The following RSBN1L variants were observed in gnomAD, a reference collection of about 807,000 sequenced individuals.
RSBN1L encodes lysine-specific demethylase RSBN1L.
In RSBN1L, 30 loss-of-function variants were observed where a neutral mutation model predicts 67.7. The observed-to-expected ratio is 0.44, with a 90% CI of 0.33 to 0.60. The LOEUF is 0.60. RSBN1L is among the 20% of genes least tolerant of loss of function. RSBN1L has a pLI of 0.02. For missense variants in RSBN1L, 992 were observed against 1,031.7 expected (o/e 0.96, Z 0.53); for synonymous variants, 433 against 387.0 (o/e 1.12, Z -1.39).
At chr7:77,725,730 A>T (rs1791194470) in intron 1 of RSBN1L, among the ~76,000 whole-genome samples, 1 of 151,866 alleles carries the variant, frequency 6.6e-6, no homozygotes, top group South Asian at 2.1e-4. Flanking sequence ...TAGCTGGATT[A>T]CAGGCATGCG....
intron 1 of RSBN1L, 71 bp downstream of exon 1, chr7:77,697,126 C>G: frequency 7.7e-7 from 1 of 1,297,780 alleles, no homozygotes; most frequent in Non-Finnish European, 9.7e-7. Context: ...CCCACGGGGC[C>G]CGGGAAGGGG....
At chr7:77,767,036 C>T (rs1034979900) in intron 4 of RSBN1L, among the ~76,000 whole-genome samples, 1 of 135,080 alleles carries the variant, frequency 7.4e-6, no homozygotes, top group Non-Finnish European at 1.6e-5. Context: ...CCTTCCCTTT[C>T]CCCTTCCCTT....
intron 1 of RSBN1L, among the ~76,000 whole-genome samples, chr7:77,709,196 G>A (rs149031555): frequency 0.13 from 9,094 of 69,064 alleles, 280 homozygotes; most frequent in African/African-American, 0.2. Flanking sequence ...GTGTGTGTGT[G>A]TATGTATGTG....
intron 1 of RSBN1L, among the ~76,000 whole-genome samples, chr7:77,709,431 A>G (rs1790943797): frequency 6.6e-6 from 1 of 151,954 alleles, no homozygotes; most frequent in Non-Finnish European, 1.5e-5. Flanking sequence ...CTGGAATTAC[A>G]GGCACCCACC....
chr7:77,762,915 T>A (rs1421544359), intron 3 of RSBN1L, among the ~76,000 whole-genome samples: 2 of 152,284 alleles, frequency 1.3e-5, no homozygotes, highest in East Asian at 3.9e-4. Flanking sequence ...AAGAATTCAC[T>A]TAATGAAAAT....
chr7:77,697,174 G>T, intron 1 of RSBN1L, 119 bp downstream of exon 1: 1 of 1,118,978 alleles, frequency 8.9e-7, no homozygotes, highest in South Asian at 3.4e-5. Flanking sequence ...GGAGGGGCTG[G>T]GAGGCGTCCG....
intron 1 of RSBN1L, among the ~76,000 whole-genome samples, chr7:77,700,757 G>T (rs773551652): frequency 1.3e-5 from 2 of 152,066 alleles, no homozygotes; most frequent in African/African-American, 2.4e-5. Context: ...TTCTCTGGCA[G>T]AGTCTTTCTG....
intron 1 of RSBN1L, among the ~76,000 whole-genome samples, chr7:77,725,113 G>A (rs1031921862): frequency 6.6e-6 from 1 of 150,700 alleles, no homozygotes; most frequent in Admixed American, 6.6e-5. Flanking sequence ...CAAAATGCTG[G>A]GATTACAGGC....
rs191401024 is a variant in RSBN1L, at chr7:77,714,957, T to C, written c.586+17902T>C. Among the ~76,000 whole-genome samples the C allele has an allele frequency of 4.2e-4, 27 of 64,406 alleles. No homozygotes were observed. In the East Asian group the frequency reaches 9.3e-3, roughly 22 times the overall value. 42.3% of individuals were successfully genotyped at this position (64,406 alleles called of 152,430 possible). On this transcript the variant is annotated intron_variant, in intron 1 of 7. Coordinates refer to ENST00000334955, the MANE Select transcript of RSBN1L (RefSeq NM_198467.3). ...CAGCCTGGGTGACAGAGACTCCATCTCAAAAAAAAAAAAAAAAAAAAATCT... is the reference window on the plus strand; with the variant it reads ...CAGCCTGGGTGACAGAGACTCCATCCCAAAAAAAAAAAAAAAAAAAAATCT...
chr7:77,778,571 G>T lies in RSBN1L; in HGVS notation c.1944G>T (p.Arg648Ser). 5 of 1,613,796 alleles carry T rather than the reference G, an allele frequency of 3.1e-6. No individual in the cohort carries two copies. The highest frequency in any genetic ancestry group is 4.2e-6 in the Non-Finnish European group (5 of 1,179,816). The change falls in exon 8 of 8, where the codon AGG becomes AGT. Residue 648 changes from arginine to serine, a missense_variant. By Grantham distance (110) the Arg-to-Ser change is moderately radical. Transcript: ENST00000334955. ...ATGATGCAAAACTGAATCAACTGAG[G>T]AGGGAAGGCATTCGCTATGCCAGGA... ...WVDDAKLNQL[R>S]REGIRYARIQ...
intron 6 of RSBN1L, 120 bp downstream of exon 6, chr7:77,773,434 G>T (rs1050211941): frequency 6.4e-6 from 4 of 629,528 alleles, no homozygotes; most frequent in Admixed American, 7.0e-5. Flanking sequence ...CCCGTATTTG[G>T]ATATCTTAAT....
chr7:77,746,489 A>G (rs1791485969), intron 2 of RSBN1L, among the ~76,000 whole-genome samples: 1 of 152,204 alleles, frequency 6.6e-6, no homozygotes, highest in African/African-American at 2.4e-5. Flanking sequence ...TGGGGATTAC[A>G]GTTCGACATG....
intron 1 of RSBN1L, among the ~76,000 whole-genome samples, chr7:77,721,481 A>G (rs1411940771): frequency 6.6e-6 from 1 of 152,194 alleles, no homozygotes; most frequent in Non-Finnish European, 1.5e-5. Flanking sequence ...TTCAAATTAT[A>G]GAAGAGGGAG....
chr7:77,709,606 T>A (rs1278447746), intron 1 of RSBN1L, among the ~76,000 whole-genome samples: 2 of 152,168 alleles, frequency 1.3e-5, no homozygotes, highest in African/African-American at 4.8e-5. Flanking sequence ...TACTTTTTTT[T>A]ATGAGGAGCA....
chr7:77,753,967 G>A (rs1791586725), intron 3 of RSBN1L, among the ~76,000 whole-genome samples: 1 of 152,082 alleles, frequency 6.6e-6, no homozygotes, highest in Non-Finnish European at 1.5e-5. Flanking sequence ...TATGTGTGTG[G>A]GTCTGTTTCT....
At chr7:77,753,098 C>T (rs1562805438) in intron 3 of RSBN1L, among the ~76,000 whole-genome samples, 1 of 152,094 alleles carries the variant, frequency 6.6e-6, no homozygotes, top group South Asian at 2.1e-4. Flanking sequence ...TGGTAGAACA[C>T]GGATGCTATG....
intron 2 of RSBN1L, 137 bp from the exon 3 acceptor site, chr7:77,749,287 T>C (rs1791523237): frequency 1.5e-6 from 1 of 647,926 alleles, no homozygotes; most frequent in Non-Finnish European, 2.5e-6. Flanking sequence ...TTATCAATTC[T>C]GTAAAAAATG....
At chr7:77,752,061 T>C (rs1791562939) in intron 3 of RSBN1L, among the ~76,000 whole-genome samples, 1 of 152,238 alleles carries the variant, frequency 6.6e-6, no homozygotes, top group South Asian at 2.1e-4. Context: ...CTATCTAATA[T>C]GTACACCATG....
chr7:77,759,510 GT>G (rs1168537055), intron 3 of RSBN1L: 3 of 151,980 alleles, frequency 2.0e-5, no homozygotes, highest in African/African-American at 7.3e-5. Flanking sequence ...TTTATGACAT[GT>G]TTAGATTGCC....
Sources: allele counts gnomAD v4.1 joint callset (sites outside exome capture counted in the v4.1 genomes callset), GRCh38; gene constraint gnomAD v4.1.1; transcripts MANE v1.5; gene names NCBI Gene and HGNC (gene_info 2026-07-23, HGNC 2026-07-21).